Variants in ABI1 observed in about 807,000 individuals in gnomAD.
The protein encoded by ABI1 is Abelson interactor 1.
Under a neutral mutation model 54.6 loss-of-function variants are expected in ABI1, and 14 were observed. The ratio of observed to expected loss-of-function variants is 0.26; its 90% CI spans 0.17 to 0.40. The LOEUF (loss-of-function observed/expected upper bound fraction) is 0.40, where lower values mean the gene tolerates loss of function less well. Ranked by LOEUF, ABI1 falls within the 10% of genes least tolerant of loss-of-function variation. ABI1 has a pLI of 1.00. For synonymous variants in ABI1, 194 were observed against 209.3 expected, an observed-to-expected ratio of 0.93 and a Z score of 0.63; for missense variants, 443 against 598.3, an observed-to-expected ratio of 0.74 and a Z score of 2.71.
At chr10:26,831,425 C>T (rs554394985) in intron 1 of ABI1, among the ~76,000 whole-genome samples, 80 of 152,236 alleles carry the variant, frequency 5.3e-4, no homozygotes, top group African/African-American at 1.9e-3. Context: ...CACCTGTAAT[C>T]CCAGCTACTC....
intron 2 of ABI1, among the ~76,000 whole-genome samples, chr10:26,784,839 G>C (rs550713777): frequency 1.3e-5 from 2 of 152,328 alleles, no homozygotes; most frequent in South Asian, 4.1e-4. Context: ...GTTACAGATA[G>C]AAGAATAGCC....
intron 2 of ABI1, among the ~76,000 whole-genome samples, chr10:26,777,706 C>T (rs1039840071): frequency 6.6e-6 from 1 of 151,842 alleles, no homozygotes; most frequent in African/African-American, 2.4e-5. Flanking sequence ...CCGGGGAGGT[C>T]GAGGCTGCAG....
At chr10:26,817,877 C>T (rs1309577993) in intron 2 of ABI1, among the ~76,000 whole-genome samples, 4 of 152,042 alleles carry the variant, frequency 2.6e-5, no homozygotes, top group African/African-American at 9.6e-5. Context: ...AATTCCTGGC[C>T]GGGCACGGTG....
chr10:26,748,606 C>A lies in ABI1; in HGVS notation c.1410G>T (p.Gly470=). 1 of 1,613,252 alleles carries A rather than the reference C, an allele frequency of 6.2e-7. No individual in the cohort carries two copies. Among genetic ancestry groups the A allele is most frequent in the Middle Eastern group, 1.7e-4 (1 of 6,058 alleles). The change falls in exon 11 of 11, where the codon GGG becomes GGT. Residue 470 remains glycine, a synonymous_variant. Transcript: ENST00000376140. ...AGTGCATGATTGATTCAACATAGTT[C>A]CCAGGGAACAGACCAGTCACTCGAT... ...VCNRVTGLFP[G]NYVESIMHYT... is the part of the protein sequence containing the mutation.
At chr10:26,809,323 C>T (rs1336649608) in intron 2 of ABI1, among the ~76,000 whole-genome samples, 1 of 151,420 alleles carries the variant, frequency 6.6e-6, no homozygotes, top group Non-Finnish European at 1.5e-5. Flanking sequence ...TTTGGGACAC[C>T]AAGATAGAAG....
chr10:26,776,106 G>A (rs1841378498), intron 3 of ABI1, among the ~76,000 whole-genome samples: 2 of 152,146 alleles, frequency 1.3e-5, no homozygotes, highest in Non-Finnish European at 2.9e-5. Flanking sequence ...AGTCACCTCT[G>A]CATTTGCAAT....
intron 2 of ABI1, among the ~76,000 whole-genome samples, chr10:26,793,752 T>C (rs1178272095): frequency 6.6e-6 from 1 of 152,208 alleles, no homozygotes; most frequent in Non-Finnish European, 1.5e-5. Context: ...GAACATTAGA[T>C]CACAGTTGAT....
At chr10:26,811,640 T>C (rs192136283) in intron 2 of ABI1, among the ~76,000 whole-genome samples, 178 of 152,252 alleles carry the variant, frequency 1.2e-3, no homozygotes, top group Middle Eastern at 3.4e-3. Flanking sequence ...GTTTTCCTTA[T>C]GATGTTAAGA....
chr10:26,843,328 C>T (rs1276900816), intron 1 of ABI1, among the ~76,000 whole-genome samples: 1 of 150,252 alleles, frequency 6.7e-6, no homozygotes, highest in Non-Finnish European at 1.5e-5. Flanking sequence ...GTGGCATGCA[C>T]CTGTAGTCCC....
chr10:26,781,025 T>C (rs569309531), intron 2 of ABI1, among the ~76,000 whole-genome samples: 11 of 152,332 alleles, frequency 7.2e-5, no homozygotes, highest in African/African-American at 2.4e-4. Context: ...TCACTGCGAA[T>C]AGCCCATGTA....
At chr10:26,833,530 A>G (rs76222400) in intron 1 of ABI1, among the ~76,000 whole-genome samples, 2,071 of 152,298 alleles carry the variant, frequency 0.014, 27 homozygotes, top group Middle Eastern at 0.034. Context: ...ACTACATTTC[A>G]ACACATAATC....
At chr10:26,783,638 T>C (rs1842399537) in intron 2 of ABI1, among the ~76,000 whole-genome samples, 1 of 152,166 alleles carries the variant, frequency 6.6e-6, no homozygotes, top group Admixed American at 6.5e-5. Context: ...TGCTTCTTTC[T>C]TTCCTCTAAT....
Position 26,753,758 on chromosome 10 carries a change from C to T in ABI1, c.1084+1897G>A, listed in dbSNP as rs75048088. On this transcript the variant is annotated intron_variant, in intron 9 of 10. Coordinates refer to ENST00000376140, the MANE Select transcript of ABI1 (RefSeq NM_001012750.3). ...TTTTAACACCAATCCTCCTAACACA[C>T]TTTCAAAGAAAACAGAAACCAAATA... 8.8e-3 allele frequency among the ~76,000 whole-genome samples: 1,343 copies of T among 152,308 alleles called. 18 individuals carry two copies. Among genetic ancestry groups the T allele is most frequent in the African/African-American group, 0.027 (1,139 of 41,560 alleles).
chr10:26,841,660 T>A (rs2049520124), intron 1 of ABI1, among the ~76,000 whole-genome samples: 1 of 152,138 alleles, frequency 6.6e-6, no homozygotes, highest in African/African-American at 2.4e-5. Flanking sequence ...TTTTTTATTT[T>A]TTTTAAGATT....
chr10:26,807,824 G>A (rs2046970717), intron 2 of ABI1, among the ~76,000 whole-genome samples: 1 of 152,214 alleles, frequency 6.6e-6, no homozygotes, highest in Admixed American at 6.5e-5. Context: ...GGGCATGGTG[G>A]CTCACGTTTG....
intron 2 of ABI1, among the ~76,000 whole-genome samples, chr10:26,805,094 T>C (rs1043915153): frequency 5.3e-5 from 8 of 152,040 alleles, no homozygotes; most frequent in East Asian, 1.9e-4. Flanking sequence ...AAACACATAA[T>C]TGGAAAAACA....
chr10:26,857,608 C>T (rs1250889065), intron 1 of ABI1, among the ~76,000 whole-genome samples: 3 of 145,566 alleles, frequency 2.1e-5, no homozygotes, highest in East Asian at 4.0e-4. Context: ...GGCATCACTG[C>T]ACTCCAGCCT....
chr10:26,831,624 T>C (rs1054221648), intron 1 of ABI1, among the ~76,000 whole-genome samples: 2 of 152,226 alleles, frequency 1.3e-5, no homozygotes, highest in South Asian at 2.1e-4. Context: ...TCATAGCTGT[T>C]AACAGTCATA....
chr10:26,831,448 C>T (rs966634345), intron 1 of ABI1, among the ~76,000 whole-genome samples: 10 of 152,032 alleles, frequency 6.6e-5, no homozygotes, highest in Admixed American at 5.2e-4. Context: ...GAGGCTGAGG[C>T]GTAAGAATCA....
Sources: gnomAD v4.1 joint callset for allele counts (sites outside exome capture counted in the v4.1 genomes callset) on GRCh38, gnomAD v4.1.1 for gene constraint, MANE v1.5 for transcripts, NCBI Gene and HGNC (gene_info 2026-07-23, HGNC 2026-07-21) for gene names.